Variants in CHUK observed in about 807,000 individuals in gnomAD.
CHUK encodes the protein component of inhibitor of nuclear factor kappa B kinase complex, also known as inhibitor of nuclear factor kappa-B kinase subunit alpha.
A neutral mutation model predicts 104.8 loss-of-function variants in CHUK; 35 were observed. The ratio of observed to expected loss-of-function variants is 0.33; its 90% CI spans 0.26 to 0.44. The LOEUF (loss-of-function observed/expected upper bound fraction) is 0.44, where lower values mean the gene tolerates loss of function less well. Among genes scored for constraint, CHUK ranks in the 20% least tolerant of loss-of-function variants. CHUK has a pLI of 1.00. For synonymous variants in CHUK, 276 were observed against 291.9 expected, an observed-to-expected ratio of 0.95 and a Z score of 0.56; for missense variants, 663 against 902.7, an observed-to-expected ratio of 0.73 and a Z score of 3.40.
chr10:100,214,632 A>C (rs1325468323), intron 9 of CHUK, among the ~76,000 whole-genome samples: 2 of 152,214 alleles, frequency 1.3e-5, no homozygotes, highest in African/African-American at 4.8e-5. Context: ...AATGTACCTA[A>C]AATGATGGCC....
chr10:100,187,056 A>C (rs1845043382), downstream of CHUK: 1 of 152,364 alleles, frequency 6.6e-6, no homozygotes, highest in Non-Finnish European at 1.5e-5. Context: ...GGCAGAGCTC[A>C]AGGCGATAAT....
chr10:100,216,865 G>A (rs1035220591), intron 9 of CHUK, among the ~76,000 whole-genome samples: 21 of 152,254 alleles, frequency 1.4e-4, no homozygotes, highest in African/African-American at 5.1e-4. Flanking sequence ...AGAATGCCAT[G>A]GTTAGGAAGG....
At chr10:100,192,690 T>A in intron 19 of CHUK, 2 of 987,384 alleles carry the variant, frequency 2.0e-6, no homozygotes, top group Non-Finnish European at 2.4e-6. Context: ...CGGCACATCT[T>A]AAGCTGAGAA....
intron 9 of CHUK, among the ~76,000 whole-genome samples, chr10:100,217,752 C>T (rs1845891452): frequency 6.6e-6 from 1 of 152,114 alleles, no homozygotes; most frequent in Non-Finnish European, 1.5e-5. Flanking sequence ...TGGTGCACAC[C>T]TTTAGTCCCA....
chr10:100,193,876 A>G (rs1404634750), intron 18 of CHUK, 108 bp downstream of exon 18: 13 of 993,150 alleles, frequency 1.3e-5, no homozygotes, highest in Non-Finnish European at 2.0e-5. Context: ...TCCCAATGCA[A>G]AATATACATG....
At chr10:100,220,439 C>CA in intron 5 of CHUK, 149 bp downstream of exon 5, 1 of 639,192 alleles carries the variant, frequency 1.6e-6, no homozygotes, top group Non-Finnish European at 2.8e-6. Flanking sequence ...AAAAACTAAA[C>CA]ACAAAACTAC....
At chr10:100,225,875 T>G in intron 2 of CHUK, 48 bp downstream of exon 2, 2 of 1,040,168 alleles carry the variant, frequency 1.9e-6, no homozygotes, top group Non-Finnish European at 3.0e-6. Flanking sequence ...TGATGACATC[T>G]GGTTGGGCTG....
At chr10:100,217,948 T>G in intron 9 of CHUK, 47 bp downstream of exon 9, 1 of 1,559,102 alleles carries the variant, frequency 6.4e-7, no homozygotes, top group South Asian at 1.1e-5. Context: ...CAAATAAACT[T>G]GTTACTTTCA....
At chr10:100,213,704 T>C (rs1296717687) in intron 9 of CHUK, among the ~76,000 whole-genome samples, 4 of 152,174 alleles carry the variant, frequency 2.6e-5, no homozygotes, top group Non-Finnish European at 5.9e-5. Context: ...GTATTCTTAG[T>C]AGAGATGGGG....
intron 1 of CHUK, among the ~76,000 whole-genome samples, chr10:100,226,708 C>T (rs1421469842): frequency 1.3e-5 from 2 of 152,214 alleles, no homozygotes; most frequent in Non-Finnish European, 2.9e-5. Flanking sequence ...GCTAAACAGG[C>T]TACACTATGT....
At chr10:100,225,070 G>A (rs533821787) in intron 2 of CHUK, among the ~76,000 whole-genome samples, 17 of 152,046 alleles carry the variant, frequency 1.1e-4, no homozygotes, top group African/African-American at 3.6e-4. Flanking sequence ...GGCTGGTCTC[G>A]AACTCCTGAG....
chr10:100,224,204 C>A (rs1254059445), intron 2 of CHUK, among the ~76,000 whole-genome samples: 1 of 152,200 alleles, frequency 6.6e-6, no homozygotes, highest in Non-Finnish European at 1.5e-5. Context: ...AAGAGGCCCA[C>A]ATGGCGAAGA....
At chr10:100,222,296 TA>T in intron 3 of CHUK, 115 bp from the exon 4 acceptor site, 1 of 670,210 alleles carries the variant, frequency 1.5e-6, no homozygotes, top group Non-Finnish European at 2.7e-6. Flanking sequence ...TAAGTCATAA[TA>T]AAATACAAGG....
intron 20 of CHUK, chr10:100,190,633 CATTTA>C (rs2134203432): frequency 3.8e-6 from 2 of 533,132 alleles, no homozygotes; most frequent in East Asian, 6.9e-5. Flanking sequence ...GCTTACCACT[CATTTA>C]ATTTGACCAA....
At chr10:100,215,785 C>T (rs1440248911) in intron 9 of CHUK, among the ~76,000 whole-genome samples, 1 of 152,126 alleles carries the variant, frequency 6.6e-6, no homozygotes. Context: ...GGGAAAATGT[C>T]CTACAGTAAC....
Position 100,222,098 on chromosome 10 carries a change from A to C in CHUK, c.385+14T>G, listed in dbSNP as rs1178520193. ...GACATTACATTACAATGGTATTTTAATACTGATACGTACCTATATCACTTA... is the reference window on the plus strand; with the variant it reads ...GACATTACATTACAATGGTATTTTACTACTGATACGTACCTATATCACTTA... On this transcript the variant is annotated intron_variant, in intron 4 of 20. Transcript: ENST00000370397. 2 of 1,334,160 alleles carry C rather than the reference A, an allele frequency of 1.5e-6. No individual in the cohort carries two copies. The highest frequency in any genetic ancestry group is 2.3e-5 in the South Asian group (2 of 85,158). The allele number at this position is 1,334,160 out of a possible 1,614,324, so 82.6% of individuals were successfully genotyped here. A position where few individuals can be genotyped will look rare whatever the true frequency, so the allele number is the denominator to read the frequency against.
At position 100,219,951 on chromosome 10, in the gene CHUK, C is replaced by T. The variant is rs139456712; in HGVS notation, c.475-592G>A. Among the ~76,000 whole-genome samples, 19 of 152,130 alleles carry T rather than the reference C, an allele frequency of 1.2e-4. No individual in the cohort carries two copies. The East Asian group carries it at 3.7e-3, about 29-fold the overall frequency. On this transcript the variant is annotated intron_variant, in intron 5 of 20. Coordinates refer to ENST00000370397, the MANE Select transcript of CHUK (RefSeq NM_001278.5). ...CCTCCAAGAGGCCAACAACTATTTT[C>T]ACTAACTAAAGAGACGGCACACACA...
In CHUK at chr10:100,222,093, T is replaced by C. The variant is rs755795337; in HGVS notation, c.385+19A>G. ...AAAGGGACATTACATTACAATGGTA[T>C]TTTAATACTGATACGTACCTATATC... On this transcript the variant is annotated intron_variant, in intron 4 of 20. Transcript: ENST00000370397. 21 of 1,302,628 alleles carry C rather than the reference T, an allele frequency of 1.6e-5. No individual in the cohort carries two copies. Among genetic ancestry groups the C allele is most frequent in the Non-Finnish European group, 2.1e-5 (19 of 897,954 alleles). The allele number at this position is 1,302,628 out of a possible 1,614,324, so 80.7% of individuals were successfully genotyped here. A position where few individuals can be genotyped will look rare whatever the true frequency, so the allele number is the denominator to read the frequency against.
Position 100,229,041 on chromosome 10 carries a change from C to G in CHUK, c.105+387G>C, listed in dbSNP as rs540640108. Among the ~76,000 whole-genome samples the G allele has an allele frequency of 1.1e-3, 156 of 136,720 alleles. 3 individuals are homozygous for G. The South Asian group carries it at 0.033, about 29-fold the overall frequency. The allele number at this position is 136,720 out of a possible 152,430, so 89.7% of individuals were successfully genotyped here. On this transcript the variant is annotated intron_variant, in intron 1 of 20. Coordinates refer to ENST00000370397, the MANE Select transcript of CHUK (RefSeq NM_001278.5). Reference sequence around the variant, plus strand: ...CACACACACACGGACGCACACATTCCCAAAGGCAGTCCCCTTCAGCCCTCT... The same window carrying G: ...CACACACACACGGACGCACACATTCGCAAAGGCAGTCCCCTTCAGCCCTCT...
Sources: allele counts gnomAD v4.1 joint callset (sites outside exome capture counted in the v4.1 genomes callset), GRCh38; gene constraint gnomAD v4.1.1; transcripts MANE v1.5; gene names NCBI Gene and HGNC (gene_info 2026-07-23, HGNC 2026-07-21).